Variants in SRPK1 observed in about 807,000 individuals in gnomAD.
The protein encoded by SRPK1 is SRSF protein kinase 1, also known as SFRS protein kinase 1.
Under a neutral mutation model 89.5 loss-of-function variants are expected in SRPK1, and 52 were observed. That is an observed-to-expected ratio of 0.58 (90% confidence interval 0.46 to 0.73). The LOEUF is 0.73. SRPK1 is among the 30% of genes least tolerant of loss of function. The pLI is 0.00. For synonymous variants in SRPK1, 255 were observed against 270.2 expected (o/e 0.94, Z 0.55); for missense variants, 603 against 780.6 (o/e 0.77, Z 2.71).
chr6:35,904,902 G>A (rs1271944472), intron 2 of SRPK1: 1 of 407,228 alleles, frequency 2.5e-6, no homozygotes, highest in Non-Finnish European at 4.9e-6. Context: ...AATTTGGGAG[G>A]CCAAGGTGGT....
chr6:35,883,370 C>G (rs1582016713), intron 6 of SRPK1, among the ~76,000 whole-genome samples: 2 of 151,988 alleles, frequency 1.3e-5, no homozygotes, highest in East Asian at 2.0e-4. Flanking sequence ...GCCTGGCCAA[C>G]AAGAACGAAA....
Position 35,888,829 on chromosome 6 carries a change from T to C in SRPK1, c.288A>G (p.Leu96=), listed in dbSNP as rs1226993543. The change falls in exon 4 of 16, where the codon TTA becomes TTG. Residue 96 remains leucine (L), a synonymous_variant. Coordinates refer to ENST00000373825, the MANE Select transcript of SRPK1 (RefSeq NM_003137.5). ...LGWGHFSTVW[L]SWDIQGKKFV... is the part of the protein sequence containing the mutation. Reference sequence around the variant, plus strand: ...CTAAAACTTACTGAATATCCCATGATAACCATACTGTTGAAAAGTGTCCCC... The same window carrying C: ...CTAAAACTTACTGAATATCCCATGACAACCATACTGTTGAAAAGTGTCCCC... 3 of 1,607,022 alleles carry C rather than the reference T, an allele frequency of 1.9e-6. No homozygotes were observed. Among genetic ancestry groups the C allele is most frequent in the Non-Finnish European group, 2.6e-6 (3 of 1,173,830 alleles).
chr6:35,916,801 G>A (rs1771112773), intron 2 of SRPK1, among the ~76,000 whole-genome samples: 1 of 152,218 alleles, frequency 6.6e-6, no homozygotes, highest in African/African-American at 2.4e-5. Flanking sequence ...GCTCACACCT[G>A]TAATACCAGC....
At chr6:35,878,088 G>A (rs1770194667) in intron 6 of SRPK1, among the ~76,000 whole-genome samples, 1 of 152,100 alleles carries the variant, frequency 6.6e-6, no homozygotes, top group South Asian at 2.1e-4. Context: ...CTCCAAAAAG[G>A]GAAGACAGGA....
intron 6 of SRPK1, among the ~76,000 whole-genome samples, chr6:35,880,798 A>AC (rs1770269800): frequency 6.7e-6 from 1 of 150,158 alleles, no homozygotes; most frequent in South Asian, 2.1e-4. Flanking sequence ...TGAAAAAAAA[A>AC]ACAACGGTTG....
intron 2 of SRPK1, among the ~76,000 whole-genome samples, chr6:35,902,028 T>TAC (rs1485578375): frequency 6.6e-6 from 1 of 151,906 alleles, no homozygotes; most frequent in Non-Finnish European, 1.5e-5. Flanking sequence ...CTACCATATA[T>TAC]ACACACACAT....
chr6:35,853,909 A>C (rs1480842495), intron 13 of SRPK1, among the ~76,000 whole-genome samples: 1 of 149,820 alleles, frequency 6.7e-6, no homozygotes. Flanking sequence ...TTTGAGACAG[A>C]GTCTCACTGT....
chr6:35,905,015 C>A (rs1025178062), intron 2 of SRPK1: 2 of 435,136 alleles, frequency 4.6e-6, no homozygotes, highest in East Asian at 7.8e-5. Flanking sequence ...ATTAAGGGGG[C>A]CTGGTGGTGT....
intron 2 of SRPK1, among the ~76,000 whole-genome samples, chr6:35,894,058 G>A (rs1051354457): frequency 4.6e-5 from 7 of 151,932 alleles, no homozygotes; most frequent in African/African-American, 1.5e-4. Flanking sequence ...TGCTAGGGAC[G>A]TAGGGCTATC....
At chr6:35,843,924 G>A (rs899078861) in intron 13 of SRPK1, among the ~76,000 whole-genome samples, 1 of 150,688 alleles carries the variant, frequency 6.6e-6, no homozygotes, top group Non-Finnish European at 1.5e-5. Context: ...TTGGGAATAA[G>A]TGCCATGCAG....
chr6:35,869,956 C>A, intron 10 of SRPK1, 55 bp from the exon 11 acceptor site: 1 of 1,476,452 alleles, frequency 6.8e-7, no homozygotes, highest in East Asian at 2.3e-5. Context: ...AGTGAAAGAA[C>A]AGAAACATTT....
At chr6:35,868,193 C>G (rs1032867352) in intron 12 of SRPK1, among the ~76,000 whole-genome samples, 1 of 152,002 alleles carries the variant, frequency 6.6e-6, no homozygotes, top group Non-Finnish European at 1.5e-5. Flanking sequence ...AGGCTGGTCT[C>G]GAACTCCTGA....
intron 6 of SRPK1, among the ~76,000 whole-genome samples, chr6:35,874,668 G>C (rs779449471): frequency 2.0e-5 from 3 of 152,194 alleles, no homozygotes; most frequent in Non-Finnish European, 2.9e-5. Flanking sequence ...TCAAGCTGTT[G>C]ATTAGCTTCA....
intron 13 of SRPK1, among the ~76,000 whole-genome samples, chr6:35,844,015 T>C (rs1769375075): frequency 6.6e-6 from 1 of 151,124 alleles, no homozygotes; most frequent in Admixed American, 6.6e-5. Flanking sequence ...GTTTTTTTTT[T>C]TTTTTTTTGG....
In SRPK1 at chr6:35,921,097, G is replaced by A; in HGVS notation, c.-41C>T. Reference sequence around the variant, plus strand: ...CGCCAGGCGCCTGCGCACTCGAGTGGCGGCGACTCCCGCTCCCGCCGCGGC... The same window carrying A: ...CGCCAGGCGCCTGCGCACTCGAGTGACGGCGACTCCCGCTCCCGCCGCGGC... On this transcript the variant is annotated 5_prime_UTR_variant, in exon 1 of 16. Transcript: ENST00000373825. 1 of 1,467,530 alleles carries A rather than the reference G, an allele frequency of 6.8e-7. No individual in the cohort carries two copies. Among genetic ancestry groups the A allele is most frequent in the Non-Finnish European group, 9.1e-7 (1 of 1,102,972 alleles). 90.9% of individuals were successfully genotyped at this position (1,467,530 alleles called of 1,614,324 possible). A position where few individuals can be genotyped will look rare whatever the true frequency, so the allele number is the denominator to read the frequency against.
chr6:35,895,110 G>GT (rs1770603243), intron 2 of SRPK1, among the ~76,000 whole-genome samples: 1 of 151,944 alleles, frequency 6.6e-6, no homozygotes, highest in African/African-American at 2.4e-5. Flanking sequence ...TAAAAAAGAG[G>GT]TAACACAAGG....
At chr6:35,899,733 G>A (rs1316186630) in intron 2 of SRPK1, among the ~76,000 whole-genome samples, 1 of 152,152 alleles carries the variant, frequency 6.6e-6, no homozygotes, top group Non-Finnish European at 1.5e-5. Flanking sequence ...CGGGCACGGT[G>A]GCTCATGCCT....
At chr6:35,904,906 A>G (rs1264034877) in intron 2 of SRPK1, 4 of 408,198 alleles carry the variant, frequency 9.8e-6, no homozygotes, top group South Asian at 7.0e-5. Flanking sequence ...TGGGAGGCCA[A>G]GGTGGTGAGA....
intron 12 of SRPK1, 66 bp from the exon 13 acceptor site, chr6:35,857,434 A>C: frequency 1.6e-6 from 2 of 1,238,618 alleles, no homozygotes; most frequent in South Asian, 1.3e-5. Flanking sequence ...ATACTGCTTA[A>C]TAATGGAGAT....
Sources: gnomAD v4.1 joint callset for allele counts (sites outside exome capture counted in the v4.1 genomes callset) on GRCh38, gnomAD v4.1.1 for gene constraint, MANE v1.5 for transcripts, NCBI Gene and HGNC (gene_info 2026-07-23, HGNC 2026-07-21) for gene names.